The following CNTN5 variants were observed in gnomAD, a reference collection of about 807,000 sequenced individuals.
The protein encoded by CNTN5 is contactin-5.
In CNTN5, 77 loss-of-function variants were observed where a neutral mutation model predicts 129.1. That is an observed-to-expected ratio of 0.60 (90% CI 0.50 to 0.72). The LOEUF (loss-of-function observed/expected upper bound fraction) is 0.72, where lower values mean the gene tolerates loss of function less well. Ranked by LOEUF, CNTN5 falls within the 30% of genes least tolerant of loss-of-function variation. The pLI is 0.00. For synonymous variants in CNTN5, 509 were observed against 465.6 expected, an observed-to-expected ratio of 1.09 and a Z score of -1.20; for missense variants, 1,478 against 1,328.8, an observed-to-expected ratio of 1.11 and a Z score of -1.75.
chr11:99,765,858 T>C (rs1944736336), intron 3 of CNTN5, among the ~76,000 whole-genome samples: 3 of 152,018 alleles, frequency 2.0e-5, no homozygotes, highest in Admixed American at 2.0e-4. Context: ...CATGGATCTG[T>C]ATTCTGGTGA....
intron 4 of CNTN5, among the ~76,000 whole-genome samples, chr11:99,835,045 T>C (rs1390738708): frequency 6.6e-6 from 1 of 152,208 alleles, no homozygotes; most frequent in Non-Finnish European, 1.5e-5. Flanking sequence ...GCTTCCATGA[T>C]GCAAACTCCT....
intron 23 of CNTN5, among the ~76,000 whole-genome samples, chr11:100,344,806 T>C (rs1056140052): frequency 2.9e-4 from 44 of 152,104 alleles, no homozygotes; most frequent in Non-Finnish European, 5.9e-5. Flanking sequence ...GTAAATGATA[T>C]AAAGGAATAA....
In CNTN5 at chr11:100,062,292, T is replaced by A. The variant is rs116829847; in HGVS notation, c.1162+899T>A. ...AGGAAACCATGACTGTCCCTGTATC[T>A]CAAGATCAGTTCCAAAAGCTTAATG... On this transcript the variant is annotated intron_variant, in intron 10 of 24. Transcript: ENST00000524871. Among the ~76,000 whole-genome samples, 1,237 of 152,296 alleles carry A rather than the reference T, an allele frequency of 8.1e-3. 12 individuals carry two copies. The highest frequency in any genetic ancestry group is 0.025 in the African/African-American group (1,048 of 41,568).
Position 99,962,010 on chromosome 11 carries a change from A to C in CNTN5, c.877+5001A>C, listed in dbSNP as rs184768861. Among the ~76,000 whole-genome samples, 331 of 152,258 alleles carry C rather than the reference A, an allele frequency of 2.2e-3. 10 individuals are homozygous for C. The highest frequency in any genetic ancestry group is 0.02 in the Admixed American group (301 of 15,294). ...GTTATATATACATATACACACACACATATATGCAATTCTAAGTTAATAGTT... is the reference window on the plus strand; with the variant it reads ...GTTATATATACATATACACACACACCTATATGCAATTCTAAGTTAATAGTT... On this transcript the variant is annotated intron_variant, in intron 8 of 24. Coordinates refer to ENST00000524871, the MANE Select transcript of CNTN5 (RefSeq NM_014361.4).
In CNTN5 at chr11:100,012,192, C is replaced by G. The variant is rs552124409; in HGVS notation, c.980+10056C>G. Among the ~76,000 whole-genome samples, 8 of 152,254 alleles carry G rather than the reference C, an allele frequency of 5.3e-5. No individual in the cohort carries two copies. In the South Asian group the frequency reaches 1.7e-3, roughly 32 times the overall value. ...GAATCAAGAAAATTGCCATCATGAA[C>G]TATTGCTTGCTTTAGTATGGTTGAG... On this transcript the variant is annotated intron_variant, in intron 9 of 24. Transcript: ENST00000524871.
At chr11:99,054,627 C>T (rs909072416) in intron 1 of CNTN5, among the ~76,000 whole-genome samples, 2 of 151,616 alleles carry the variant, frequency 1.3e-5, no homozygotes, top group Admixed American at 1.3e-4. Context: ...CAAGCTAATC[C>T]AAGTATTCCT....
chr11:99,926,053 A>T (rs1490580649), intron 7 of CNTN5, among the ~76,000 whole-genome samples: 6 of 152,180 alleles, frequency 3.9e-5, no homozygotes, highest in African/African-American at 7.2e-5. Context: ...ACCTCACAGC[A>T]TTGTTGTCAG....
chr11:99,200,942 C>T (rs1859141748), intron 1 of CNTN5, among the ~76,000 whole-genome samples: 1 of 151,794 alleles, frequency 6.6e-6, no homozygotes, highest in South Asian at 2.1e-4. Context: ...AATGCAAACC[C>T]TCGTGTTTAA....
intron 23 of CNTN5, among the ~76,000 whole-genome samples, chr11:100,346,720 T>C (rs1952290339): frequency 6.6e-6 from 1 of 152,028 alleles, no homozygotes; most frequent in African/African-American, 2.4e-5. Flanking sequence ...CTAGGGCAAA[T>C]AGAAGGAAAT....
intron 2 of CNTN5, among the ~76,000 whole-genome samples, chr11:99,518,265 C>T (rs993226246): frequency 6.6e-6 from 1 of 152,058 alleles, no homozygotes; most frequent in Non-Finnish European, 1.5e-5. Context: ...CACAGGAAAG[C>T]AGCATTGTTA....
chr11:99,228,360 G>C (rs924527360), intron 1 of CNTN5, among the ~76,000 whole-genome samples: 41 of 152,162 alleles, frequency 2.7e-4, no homozygotes, highest in African/African-American at 9.9e-4. Flanking sequence ...AGCACACAAA[G>C]AAAGATTGGT....
intron 8 of CNTN5, among the ~76,000 whole-genome samples, chr11:99,979,611 C>T (rs1938210596): frequency 6.6e-6 from 1 of 152,134 alleles, no homozygotes; most frequent in Non-Finnish European, 1.5e-5. Context: ...AAGATCCTTG[C>T]TCCTATGTCC....
chr11:99,574,407 C>T (rs1949279168), intron 3 of CNTN5, among the ~76,000 whole-genome samples: 1 of 152,094 alleles, frequency 6.6e-6, no homozygotes, highest in Non-Finnish European at 1.5e-5. Flanking sequence ...ATTTATATTC[C>T]TTTGGATATT....
At chr11:99,318,031 T>C (rs1053569759) in intron 1 of CNTN5, among the ~76,000 whole-genome samples, 4 of 152,168 alleles carry the variant, frequency 2.6e-5, no homozygotes, top group African/African-American at 7.2e-5. Context: ...AATCCAAGTA[T>C]AAAACTTTGT....
At chr11:99,404,791 G>A (rs2136220438) in intron 2 of CNTN5, among the ~76,000 whole-genome samples, 1 of 152,076 alleles carries the variant, frequency 6.6e-6, no homozygotes, top group South Asian at 2.1e-4. Flanking sequence ...GGTTTTTTGA[G>A]ATACTTACTA....
intron 10 of CNTN5, among the ~76,000 whole-genome samples, chr11:100,065,077 G>T (rs1222369329): frequency 6.6e-6 from 1 of 152,068 alleles, no homozygotes; most frequent in East Asian, 1.9e-4. Context: ...AACTAGAATT[G>T]TATCAGTATT....
intron 2 of CNTN5, among the ~76,000 whole-genome samples, chr11:99,465,777 G>A (rs1944907414): frequency 6.6e-6 from 1 of 151,890 alleles, no homozygotes; most frequent in Admixed American, 6.6e-5. Context: ...GGAGGCCTCT[G>A]GAGACTTAAA....
intron 2 of CNTN5, among the ~76,000 whole-genome samples, chr11:99,428,394 T>C (rs1007706773): frequency 1.3e-5 from 2 of 151,808 alleles, no homozygotes; most frequent in African/African-American, 4.8e-5. Context: ...ACCTCATCTC[T>C]ACAAAAACAT....
intron 3 of CNTN5, among the ~76,000 whole-genome samples, chr11:99,666,734 A>G (rs1449009233): frequency 6.6e-6 from 1 of 152,174 alleles, no homozygotes; most frequent in Non-Finnish European, 1.5e-5. Context: ...TGTGAAGACA[A>G]AAGCAGCAGA....
Sources: gnomAD v4.1 joint callset for allele counts (sites outside exome capture counted in the v4.1 genomes callset) on GRCh38, gnomAD v4.1.1 for gene constraint, MANE v1.5 for transcripts, NCBI Gene and HGNC (gene_info 2026-07-23, HGNC 2026-07-21) for gene names.